Variants in ENOX1 observed in about 807,000 individuals in gnomAD.
ENOX1 encodes ecto-NOX disulfide-thiol exchanger 1, also known as candidate growth-related and time keeping constitutive hydroquinone (NADH) oxidase.
A neutral mutation model predicts 82.5 loss-of-function variants in ENOX1; 42 were observed. The ratio of observed to expected loss-of-function variants is 0.51; its 90% CI spans 0.40 to 0.66. The LOEUF (loss-of-function observed/expected upper bound fraction) is 0.66, where lower values mean the gene tolerates loss of function less well. Among genes scored for constraint, ENOX1 ranks in the 30% least tolerant of loss-of-function variants. The pLI is 0.00. For missense variants in ENOX1, 608 were observed against 811.6 expected (o/e 0.75, Z 3.05); for synonymous variants, 271 against 282.2 (o/e 0.96, Z 0.40).
At chr13:43,699,270 G>A (rs2086794286) in intron 1 of ENOX1, among the ~76,000 whole-genome samples, 2 of 152,132 alleles carry the variant, frequency 1.3e-5, no homozygotes, top group Admixed American at 6.6e-5. Context: ...AGATCACTTC[G>A]TTTTTATACA....
chr13:43,615,642 T>A (rs2153741910), intron 2 of ENOX1, among the ~76,000 whole-genome samples: 1 of 152,298 alleles, frequency 6.6e-6, no homozygotes, highest in Non-Finnish European at 1.5e-5. Flanking sequence ...GCATAGAACG[T>A]GCAGTTTTGT....
chr13:43,712,010 GAATGGT>G (rs1566813202), intron 1 of ENOX1, among the ~76,000 whole-genome samples: 1 of 150,472 alleles, frequency 6.6e-6, no homozygotes. Context: ...CCTATGTCCT[GAATGGT>G]AATGCCTAGG....
chr13:43,268,194 A>G (rs1406641274), intron 13 of ENOX1, among the ~76,000 whole-genome samples: 1 of 152,206 alleles, frequency 6.6e-6, no homozygotes, highest in Non-Finnish European at 1.5e-5. Flanking sequence ...GTGAGAGAGC[A>G]GAAAACAACA....
chr13:43,429,015 AAACTGAAACCCTGAG>A (rs2055500309), intron 3 of ENOX1, among the ~76,000 whole-genome samples: 2 of 152,186 alleles, frequency 1.3e-5, no homozygotes, highest in African/African-American at 4.8e-5. Context: ...CAGTAGAGAC[AAACTGAAACCCTGAG>A]AACTGATCTG....
intron 2 of ENOX1, among the ~76,000 whole-genome samples, chr13:43,517,917 T>C (rs2077617594): frequency 6.6e-6 from 1 of 152,170 alleles, no homozygotes; most frequent in African/African-American, 2.4e-5. Flanking sequence ...TTAAATCTGC[T>C]GGCACCTTGA....
chr13:43,733,371 C>T (rs546749290), intron 1 of ENOX1, among the ~76,000 whole-genome samples: 16 of 152,270 alleles, frequency 1.1e-4, no homozygotes, highest in African/African-American at 3.6e-4. Context: ...TTGAAAAACA[C>T]CATCAGTTCA....
At chr13:43,581,534 C>T (rs1284527030) in intron 2 of ENOX1, among the ~76,000 whole-genome samples, 1 of 152,194 alleles carries the variant, frequency 6.6e-6, no homozygotes, top group African/African-American at 2.4e-5. Context: ...AATTAAAAAT[C>T]ATTTTCTAAA....
At chr13:43,355,688 T>C (rs762398976) in intron 8 of ENOX1, among the ~76,000 whole-genome samples, 21 of 152,132 alleles carry the variant, frequency 1.4e-4, no homozygotes, top group Non-Finnish European at 2.4e-4. Context: ...GGGGCAGGGG[T>C]CTGTCCCAGG....
intron 1 of ENOX1, among the ~76,000 whole-genome samples, chr13:43,693,004 A>C (rs1566781340): frequency 6.6e-6 from 1 of 152,078 alleles, no homozygotes; most frequent in Non-Finnish European, 1.5e-5. Context: ...GCATATTTAC[A>C]AAAAAAGCTA....
intron 2 of ENOX1, among the ~76,000 whole-genome samples, chr13:43,527,402 C>T (rs940667799): frequency 6.6e-6 from 1 of 152,100 alleles, no homozygotes; most frequent in Non-Finnish European, 1.5e-5. Context: ...CACTTAACTG[C>T]ATATTTCTCC....
At chr13:43,649,521 G>A (rs867706745) in intron 2 of ENOX1, among the ~76,000 whole-genome samples, 1 of 152,160 alleles carries the variant, frequency 6.6e-6, no homozygotes, top group Non-Finnish European at 1.5e-5. Flanking sequence ...TGTGTTGGGG[G>A]TGAGAGGTGC....
chr13:43,770,686 T>TACACACAC (rs149111203), intron 1 of ENOX1, among the ~76,000 whole-genome samples: 104 of 146,238 alleles, frequency 7.1e-4, no homozygotes, highest in Non-Finnish European at 5.2e-4. Flanking sequence ...TACGTATGTG[T>TACACACAC]ACACACACAC....
At chr13:43,512,760 GTATT>G (rs2077417943) in intron 2 of ENOX1, among the ~76,000 whole-genome samples, 1 of 151,736 alleles carries the variant, frequency 6.6e-6, no homozygotes, top group Admixed American at 6.6e-5. Flanking sequence ...TAATAAACCT[GTATT>G]TATTGAGAAC....
chr13:43,719,342 CA>C (rs2088396367), intron 1 of ENOX1, among the ~76,000 whole-genome samples: 1 of 149,130 alleles, frequency 6.7e-6, no homozygotes. Context: ...CACACACACA[CA>C]CACACCAGCA....
intron 15 of ENOX1, among the ~76,000 whole-genome samples, chr13:43,231,037 T>C (rs1329000675): frequency 6.6e-6 from 1 of 152,122 alleles, no homozygotes; most frequent in Non-Finnish European, 1.5e-5. Flanking sequence ...TGGTTGATAG[T>C]CTCCTAGGAA....
intron 3 of ENOX1, among the ~76,000 whole-genome samples, chr13:43,456,285 T>G (rs1201840844): frequency 6.6e-6 from 1 of 152,022 alleles, no homozygotes; most frequent in African/African-American, 2.4e-5. Context: ...TCAGTGGATA[T>G]CCTCAAATAT....
chr13:43,769,060 G>C (rs946312464), intron 1 of ENOX1, among the ~76,000 whole-genome samples: 5 of 152,198 alleles, frequency 3.3e-5, no homozygotes, highest in African/African-American at 1.2e-4. Flanking sequence ...TGTGGTAAAG[G>C]AAGGTGTTCA....
At chr13:43,653,562 G>T (rs1035736735) in intron 2 of ENOX1, among the ~76,000 whole-genome samples, 4 of 152,106 alleles carry the variant, frequency 2.6e-5, no homozygotes, top group African/African-American at 9.7e-5. Context: ...CATATTACAT[G>T]CAAATAACCA....
At chr13:43,714,089 G>A (rs9665320) in intron 1 of ENOX1, among the ~76,000 whole-genome samples, 14,073 of 146,546 alleles carry the variant, frequency 0.096, 1,072 homozygotes, top group East Asian at 0.25. Flanking sequence ...CTTTGAATGC[G>A]TCCCAGAGAT....
Sources: gnomAD v4.1 joint callset for allele counts (sites outside exome capture counted in the v4.1 genomes callset) on GRCh38, gnomAD v4.1.1 for gene constraint, MANE v1.5 for transcripts, NCBI Gene and HGNC (gene_info 2026-07-23, HGNC 2026-07-21) for gene names.